Variants in EHMT2 observed in about 807,000 individuals in gnomAD.
The protein encoded by EHMT2 is euchromatic histone lysine methyltransferase 2.
A neutral mutation model predicts 143.3 loss-of-function variants in EHMT2; 59 were observed. The observed-to-expected ratio is 0.41, with a 90% CI of 0.33 to 0.51. The LOEUF is 0.51. Among genes scored for constraint, EHMT2 ranks in the 20% least tolerant of loss-of-function variants. The probability of loss-of-function intolerance (pLI) is 0.18; values close to 1 mark genes in which losing one functional copy is unlikely to be tolerated. For synonymous variants in EHMT2, 604 were observed against 651.5 expected (o/e 0.93, Z 1.11); for missense variants, 1,174 against 1,645.9 (o/e 0.71, Z 4.96).
chr6:31,883,083 T>G lies in EHMT2; in HGVS notation c.2995-74A>C. 1 of 1,368,724 alleles carries G rather than the reference T, an allele frequency of 7.3e-7. No homozygotes were observed. Among genetic ancestry groups the G allele is most frequent in the Non-Finnish European group, 1.0e-6 (1 of 973,108 alleles). The allele number at this position is 1,368,724 out of a possible 1,614,324, so 84.8% of individuals were successfully genotyped here. The stretch of plus-strand genomic sequence containing the variant: ...GCTGCCCACCCAGGAACCCCAAGAC[T>G]CTACAGAGACAGGGAAGTTGGGGTT... On this transcript the variant is annotated intron_variant, in intron 23 of 27. Transcript: ENST00000375537. The surrounding 1 kb of genome is among the most constrained non-coding windows in gnomAD (Gnocchi z 5.6).
At chr6:31,893,405 C>G (rs941257778) in intron 4 of EHMT2, 5 of 443,860 alleles carry the variant, frequency 1.1e-5, no homozygotes, top group African/African-American at 1.0e-4. Context: ...ACTTCAGCCT[C>G]GAACTGGACT....
chr6:31,882,192 G>C lies in EHMT2; in HGVS notation c.3197+507C>G, dbSNP rs554197800. Reference sequence around the variant, plus strand: ...TTGTGGGATGGCAGCCAAGAGAAAGGGGGAGATTACAGATGCTGGGCAGAG... The same window carrying C: ...TTGTGGGATGGCAGCCAAGAGAAAGCGGGAGATTACAGATGCTGGGCAGAG... On this transcript the variant is annotated intron_variant, in intron 25 of 27. Transcript: ENST00000375537. Among the ~76,000 whole-genome samples, 18 of 152,172 alleles carry C rather than the reference G, an allele frequency of 1.2e-4. No individual in the cohort carries two copies. In the East Asian group the frequency reaches 2.9e-3, roughly 24 times the overall value.
Position 31,881,127 on chromosome 6 carries a change from T to G in EHMT2, c.3198-35A>C, listed in dbSNP as rs1320652431. On this transcript the variant is annotated intron_variant, in intron 25 of 27. Coordinates refer to ENST00000375537, the Ensembl canonical transcript of EHMT2. The surrounding 1 kb of genome is among the most constrained non-coding windows in gnomAD (Gnocchi z 4.8). Reference sequence around the variant, plus strand: ...AGGAATCCATGGTTCTGAAGGTGAGTGTGGGCTATTAGGAGGTGGCTCCAG... The same window carrying G: ...AGGAATCCATGGTTCTGAAGGTGAGGGTGGGCTATTAGGAGGTGGCTCCAG... The G allele has an allele frequency of 6.3e-7, 1 of 1,588,120 alleles. No individual in the cohort carries two copies. The highest frequency in any genetic ancestry group is 8.6e-7 in the Non-Finnish European group (1 of 1,157,958).
At position 31,883,326 on chromosome 6, in the gene EHMT2, G is replaced by A. The variant is rs1020786685; in HGVS notation, c.2994+36C>T. On this transcript the variant is annotated intron_variant, in intron 23 of 27. Coordinates refer to ENST00000375537, the Ensembl canonical transcript of EHMT2. The surrounding 1 kb of genome is among the most constrained non-coding windows in gnomAD (Gnocchi z 5.6). The stretch of plus-strand genomic sequence containing the variant: ...TGGAGGCTGGCTCCTCTGAAGGAGG[G>A]GCCGGGTGTCTGTGGCCAAGGCAAG... 6.2e-7 allele frequency: 1 copy of A among 1,600,354 alleles called. No individual in the cohort carries two copies. The highest frequency in any genetic ancestry group is 1.3e-5 in the African/African-American group (1 of 74,684).
rs758650661 is a variant in EHMT2, at chr6:31,882,968, C to T, written c.3036G>A (p.Pro1012=). 7.4e-6 allele frequency: 12 copies of T among 1,612,850 alleles called. No homozygotes were observed. In the East Asian group the frequency reaches 8.9e-5, roughly 12 times the overall value. The stretch of plus-strand genomic sequence containing the variant: ...ACGCCTGGTTACACTCGAAAATCAG[C>T]GGAGGCTCAATCTTGTTAAATTCCT... Residue 1012 remains proline, a synonymous_variant, in exon 24 of 28, where the codon CCG becomes CCA. Coordinates refer to ENST00000375537, the Ensembl canonical transcript of EHMT2.
At chr6:31,896,487 G>A (rs995374014) in exon 4 of EHMT2, 2 of 1,613,006 alleles carry the variant, frequency 1.2e-6, no homozygotes, top group Non-Finnish European at 1.7e-6. Flanking sequence ...CCCTTGCTGG[G>A]GGAAGAGGGG....
At chr6:31,887,070 G>C (rs145711945) in exon 16 of EHMT2, 1 of 1,611,584 alleles carries the variant, frequency 6.2e-7, no homozygotes, top group Non-Finnish European at 8.5e-7. Flanking sequence ...TGCTCTGCTG[G>C]TCGCTCTGGA....
rs758007150 is a variant in EHMT2 at position 31,888,009 on chromosome 6, G to A, written c.1745+32C>T. The A allele has an allele frequency of 6.4e-7, 1 of 1,562,454 alleles. No individual in the cohort carries two copies. Among genetic ancestry groups the A allele is most frequent in the Non-Finnish European group, 8.7e-7 (1 of 1,150,518 alleles). On this transcript the variant is annotated intron_variant, in intron 13 of 27. Transcript: ENST00000375537. This position sits in a 1 kb window ranked among gnomAD's most constrained non-coding sequence, Gnocchi z 7.4. Reference sequence around the variant, plus strand: ...CCAGGAGCAATAGGGGTGGGGGAGGGAACAGACAGTACAGAAGGGGGAGGC... The same window carrying A: ...CCAGGAGCAATAGGGGTGGGGGAGGAAACAGACAGTACAGAAGGGGGAGGC...
chr6:31,882,131 A>G (rs192254375), intron 25 of EHMT2, among the ~76,000 whole-genome samples: 5,362 of 151,686 alleles, frequency 0.035, 115 homozygotes, highest in South Asian at 0.051. Flanking sequence ...AAAAAAAAAA[A>G]AAAAGAGCCA....
At chr6:31,897,302 C>G in intron 1 of EHMT2, 2 of 676,260 alleles carry the variant, frequency 3.0e-6, no homozygotes, top group Non-Finnish European at 4.2e-6. Flanking sequence ...CTTTGTCCCC[C>G]AGGCCGCGGG....
At position 31,888,410 on chromosome 6, in the gene EHMT2, T is replaced by C; in HGVS notation, c.1462A>G (p.Met488Val). The change falls in exon 12 of 28, where the codon ATG becomes GTG. Residue 488 changes from methionine to valine, a missense_variant. Met to Val is a conservative substitution (Grantham distance 21). Around this residue, in one of 6 missense-constraint regions of EHMT2, gnomAD observed 608 missense variants for 903.7 expected, o/e 0.67. Coordinates refer to ENST00000375537, the Ensembl canonical transcript of EHMT2. This position sits in a 1 kb window ranked among gnomAD's most constrained non-coding sequence, Gnocchi z 7.4. ...CCCGGGCAGCAGTGGTGTTTGACCA[T>C]GCGGGCGCGGTGGGTCTCACAGAGC... 4 of 1,612,720 alleles carry C rather than the reference T, an allele frequency of 2.5e-6. No homozygotes were observed. Among genetic ancestry groups the C allele is most frequent in the East Asian group, 2.2e-5 (1 of 44,886 alleles).
chr6:31,896,675 G>C, exon 3 of EHMT2: 1 of 1,608,764 alleles, frequency 6.2e-7, no homozygotes, highest in Non-Finnish European at 8.5e-7. Flanking sequence ...CCAATGAGTG[G>C]TGTAGCCCCT....
intron 4 of EHMT2, chr6:31,893,667 C>A: frequency 3.8e-6 from 1 of 261,318 alleles, no homozygotes; most frequent in Non-Finnish European, 7.7e-6. Flanking sequence ...GGTATGCTGC[C>A]CAGGTGAAAG....
intron 7 of EHMT2, among the ~76,000 whole-genome samples, chr6:31,890,538 A>G (rs1172190542): frequency 6.9e-6 from 1 of 144,132 alleles, no homozygotes; most frequent in Non-Finnish European, 1.5e-5. Context: ...GGCGTGAGCC[A>G]CCACGCCTGG....
chr6:31,896,764 T>G (rs1562523196), exon 3 of EHMT2: 2 of 1,612,500 alleles, frequency 1.2e-6, no homozygotes, highest in Non-Finnish European at 8.5e-7. Context: ...CTCCAGGGAG[T>G]CGGGGGTGGC....
chr6:31,896,150 G>A, intron 4 of EHMT2, 113 bp downstream of exon 4: 10 of 1,426,800 alleles, frequency 7.0e-6, no homozygotes, highest in South Asian at 1.4e-5. Flanking sequence ...ACACACAGCA[G>A]CCCCTTGCTT....
intron 15 of EHMT2, 57 bp downstream of exon 15, chr6:31,887,520 G>A: frequency 6.7e-7 from 1 of 1,495,288 alleles, no homozygotes; most frequent in South Asian, 1.1e-5. Context: ...TGTACCCAGT[G>A]CCTGGTATAT....
chr6:31,886,958 C>G (rs1764940216), intron 16 of EHMT2, 37 bp downstream of exon 16: 2 of 1,613,856 alleles, frequency 1.2e-6, no homozygotes, highest in Non-Finnish European at 1.7e-6. Context: ...GGCCTAAGGG[C>G]CTGGTGAATG....
exon 14 of EHMT2, chr6:31,887,895 G>C: frequency 6.2e-7 from 1 of 1,610,344 alleles, no homozygotes; most frequent in Non-Finnish European, 8.5e-7. Context: ...GCCCTGAGCT[G>C]TCAATGGTGT....
Sources: gnomAD v4.1 joint callset for allele counts (sites outside exome capture counted in the v4.1 genomes callset) on GRCh38, gnomAD v4.1.1 for gene constraint, gnomAD v4.1.1 regional missense constraint, Gnocchi (gnomAD v3.1) non-coding constraint, MANE v1.5 for transcripts, NCBI Gene and HGNC (gene_info 2026-07-23, HGNC 2026-07-21) for gene names.